HTRA1: variants seen among roughly 807,000 people sequenced by gnomAD.
HTRA1 encodes the protein serine protease HTRA1.
A neutral mutation model predicts 49.7 loss-of-function variants in HTRA1; 26 were observed. The observed-to-expected ratio is 0.52, with a 90% CI of 0.38 to 0.73. The LOEUF is 0.73. Ranked by LOEUF, HTRA1 falls within the 30% of genes least tolerant of loss-of-function variation. The pLI, the probability that HTRA1 is intolerant of heterozygous loss-of-function variation, is 0.00. For synonymous variants in HTRA1, 291 were observed against 286.9 expected (o/e 1.01, Z -0.14); for missense variants, 561 against 667.2 (o/e 0.84, Z 1.75).
Position 122,504,243 on chromosome 10 carries a change from G to A in HTRA1, c.778-2448G>A, listed in dbSNP as rs146092922. 2.4e-3 allele frequency among the ~76,000 whole-genome samples: 364 copies of A among 152,304 alleles called. 1 individual carries two copies. The highest frequency in any genetic ancestry group is 4.2e-3 in the Non-Finnish European group (283 of 68,030). ...TTTGTCTCCTTGCCGCATCCTCTAGGCCTGAGCTCAGACGGTGGAAAAGAA... is the reference window on the plus strand; with the variant it reads ...TTTGTCTCCTTGCCGCATCCTCTAGACCTGAGCTCAGACGGTGGAAAAGAA... On this transcript the variant is annotated intron_variant, in intron 3 of 8. Coordinates refer to ENST00000368984, the MANE Select transcript of HTRA1 (RefSeq NM_002775.5).
At position 122,510,014 on chromosome 10, in the gene HTRA1, G is replaced by A; in HGVS notation, c.1121-82G>A. ...TCTGTGGCCCTTCCTGCAACCTGGG[G>A]GATTGGGCCCCCGGCCCCTGGTGTC... On this transcript the variant is annotated intron_variant, in intron 6 of 8. Coordinates refer to ENST00000368984, the MANE Select transcript of HTRA1 (RefSeq NM_002775.5). 4 of 1,209,166 alleles carry A rather than the reference G, an allele frequency of 3.3e-6. No individual in the cohort carries two copies. In the South Asian group the frequency reaches 4.9e-5, roughly 15 times the overall value. The allele number at this position is 1,209,166 out of a possible 1,614,324, so 74.9% of individuals were successfully genotyped here. A position where few individuals can be genotyped will look rare whatever the true frequency, so the allele number is the denominator to read the frequency against.
chr10:122,485,348 T>C (rs1300731634), intron 1 of HTRA1, among the ~76,000 whole-genome samples: 1 of 152,242 alleles, frequency 6.6e-6, no homozygotes, highest in Middle Eastern at 3.2e-3. Context: ...TGTCATATGG[T>C]CTGTGCTCCC....
At chr10:122,465,031 A>G (rs902116878) in intron 1 of HTRA1, among the ~76,000 whole-genome samples, 1 of 152,178 alleles carries the variant, frequency 6.6e-6, no homozygotes, top group African/African-American at 2.4e-5. Flanking sequence ...TCATCAGATC[A>G]GGGGTCCCCA....
At chr10:122,501,017 G>A (rs555527400) in intron 3 of HTRA1, among the ~76,000 whole-genome samples, 1 of 152,326 alleles carries the variant, frequency 6.6e-6, no homozygotes, top group East Asian at 1.9e-4. Context: ...GAGCATCTGG[G>A]AGGTGGGGAG....
chr10:122,503,708 G>C (rs372179448), intron 3 of HTRA1, among the ~76,000 whole-genome samples: 37 of 152,162 alleles, frequency 2.4e-4, no homozygotes, highest in African/African-American at 8.0e-4. Context: ...GGTGCCATGA[G>C]AATACTTTGT....
At chr10:122,512,571 C>T (rs1016852705) in intron 8 of HTRA1, among the ~76,000 whole-genome samples, 4 of 152,176 alleles carry the variant, frequency 2.6e-5, no homozygotes, top group Non-Finnish European at 4.4e-5. Context: ...CCTGTATTGG[C>T]GGAATATCCA....
At chr10:122,493,154 C>T (rs1591034361) in intron 3 of HTRA1, among the ~76,000 whole-genome samples, 1 of 152,158 alleles carries the variant, frequency 6.6e-6, no homozygotes, top group East Asian at 1.9e-4. Context: ...TTTTGGGAGA[C>T]AATCACGGAC....
At position 122,489,020 on chromosome 10, in the gene HTRA1, T is replaced by C. The variant is rs1365351078; in HGVS notation, c.572+19T>C. ...TTCGCAAGTAAAGAGAGCCTTCCTT[T>C]TTCCTATAACCTCCGAAGCTTTCAC... On this transcript the variant is annotated intron_variant, in intron 2 of 8. Transcript: ENST00000368984. 1.3e-6 allele frequency: 2 copies of C among 1,579,320 alleles called. No individual in the cohort carries two copies. The highest frequency in any genetic ancestry group is 1.7e-6 in the Non-Finnish European group (2 of 1,148,308).
chr10:122,500,137 C>G (rs1377203669), intron 3 of HTRA1, among the ~76,000 whole-genome samples: 4 of 152,130 alleles, frequency 2.6e-5, no homozygotes, highest in Non-Finnish European at 4.4e-5. Flanking sequence ...AGGCAGAACC[C>G]TGAATGGAAG....
At chr10:122,501,872 G>C (rs2097500995) in intron 3 of HTRA1, among the ~76,000 whole-genome samples, 1 of 150,416 alleles carries the variant, frequency 6.6e-6, no homozygotes, top group Admixed American at 6.6e-5. Flanking sequence ...AAGGAGCCTT[G>C]TTCTTGATGC....
chr10:122,479,130 C>G (rs937486196), intron 1 of HTRA1, among the ~76,000 whole-genome samples: 1 of 152,224 alleles, frequency 6.6e-6, no homozygotes, highest in East Asian at 1.9e-4. Flanking sequence ...CAAATTAGCT[C>G]TACGTATCAA....
At chr10:122,512,131 G>A in intron 8 of HTRA1, 66 bp downstream of exon 8, 1 of 1,137,304 alleles carries the variant, frequency 8.8e-7, no homozygotes, top group Non-Finnish European at 1.3e-6. Flanking sequence ...GCAGGAAGAG[G>A]GAGCGCTGTT....
chr10:122,478,775 T>C (rs1252662729), intron 1 of HTRA1, among the ~76,000 whole-genome samples: 1 of 152,158 alleles, frequency 6.6e-6, no homozygotes, highest in Non-Finnish European at 1.5e-5. Flanking sequence ...GGATTTGGGG[T>C]ATTAAATCAA....
chr10:122,463,691 G>A (rs1249944677), intron 1 of HTRA1, among the ~76,000 whole-genome samples: 2 of 152,164 alleles, frequency 1.3e-5, no homozygotes, highest in East Asian at 1.9e-4. Context: ...TACAGATAGC[G>A]GAGCTAAGGT....
At chr10:122,507,297 C>T (rs912823015) in intron 4 of HTRA1, 73 bp from the exon 5 acceptor site, 21 of 1,250,994 alleles carry the variant, frequency 1.7e-5, no homozygotes, top group South Asian at 3.6e-5. Context: ...GCTCAGGAAA[C>T]GACCAGGCAG....
intron 2 of HTRA1, 87 bp downstream of exon 2, chr10:122,489,088 A>C (rs369464705): frequency 2.6e-4 from 236 of 900,654 alleles, no homozygotes; most frequent in Non-Finnish European, 3.8e-4. Context: ...GATACATTAA[A>C]GTGTCAAAGT....
intron 1 of HTRA1, among the ~76,000 whole-genome samples, chr10:122,478,843 C>T (rs771386936): frequency 1.3e-5 from 2 of 152,216 alleles, no homozygotes; most frequent in Admixed American, 6.5e-5. Context: ...GCAGTCACAC[C>T]TTGCCCCGTG....
chr10:122,479,758 G>GGTGAATGA (rs1357777891), intron 1 of HTRA1, among the ~76,000 whole-genome samples: 5 of 149,906 alleles, frequency 3.3e-5, no homozygotes, highest in African/African-American at 1.2e-4. Context: ...AGTGCCACAT[G>GGTGAATGA]GTGAATGAGA....
At chr10:122,511,540 C>T (rs2097505569) in intron 7 of HTRA1, among the ~76,000 whole-genome samples, 1 of 152,048 alleles carries the variant, frequency 6.6e-6, no homozygotes, top group Non-Finnish European at 1.5e-5. Flanking sequence ...CGAGACCAGC[C>T]TGGCCAATTT....
Sources: gnomAD v4.1 joint callset for allele counts (sites outside exome capture counted in the v4.1 genomes callset) on GRCh38, gnomAD v4.1.1 for gene constraint, MANE v1.5 for transcripts, NCBI Gene and HGNC (gene_info 2026-07-23, HGNC 2026-07-21) for gene names.